The following TPST1 variants were observed in gnomAD, a reference collection of about 807,000 sequenced individuals.
TPST1 encodes protein-tyrosine sulfotransferase 1.
In TPST1, 20 loss-of-function variants were observed where a neutral mutation model predicts 34.8. The ratio of observed to expected loss-of-function variants is 0.57; its 90% CI spans 0.40 to 0.84. TPST1 has a LOEUF of 0.84. TPST1 is among the 40% of genes least tolerant of loss of function. The pLI, the probability that TPST1 is intolerant of heterozygous loss-of-function variation, is 0.00. For missense variants in TPST1, 353 were observed against 455.5 expected (o/e 0.78, Z 2.05); for synonymous variants, 152 against 159.4 (o/e 0.95, Z 0.35).
At chr7:66,200,011 T>C in the TPST1 span, among the ~76,000 whole-genome samples, 2 of 152,178 alleles carry the variant, frequency 1.3e-5, no homozygotes, top group African/African-American at 2.4e-5. Flanking sequence ...ATTACAGGCA[T>C]GAGCCACTGC....
At chr7:66,232,122 G>T (rs1481885050) in intron 1 of TPST1, among the ~76,000 whole-genome samples, 2 of 151,604 alleles carry the variant, frequency 1.3e-5, no homozygotes, top group Admixed American at 1.3e-4. Flanking sequence ...ATGTGGAGAT[G>T]TGTTTCAGTC....
At position 66,305,109 on chromosome 7, in the gene TPST1, G is replaced by A. The variant is rs139037229; in HGVS notation, c.1044+18400G>A. Among the ~76,000 whole-genome samples the A allele has an allele frequency of 4.6e-5, 7 of 152,124 alleles. No individual in the cohort carries two copies. The East Asian group carries it at 1.2e-3, about 25-fold the overall frequency. On this transcript the variant is annotated intron_variant, in intron 3 of 5. Coordinates refer to ENST00000304842, the MANE Select transcript of TPST1 (RefSeq NM_003596.4). ...GTTAGGATTATAGGCATGAACCACCGTGCCCAGCCAGAGTCAATACACCTT... is the reference window on the plus strand; with the variant it reads ...GTTAGGATTATAGGCATGAACCACCATGCCCAGCCAGAGTCAATACACCTT...
At chr7:66,330,919 C>T (rs779370914) in intron 3 of TPST1, among the ~76,000 whole-genome samples, 5 of 152,164 alleles carry the variant, frequency 3.3e-5, no homozygotes, top group African/African-American at 4.8e-5. Flanking sequence ...AATCAACAAA[C>T]GTGTTGTCTC....
intron 1 of TPST1, among the ~76,000 whole-genome samples, chr7:66,222,400 A>AT (rs1051326607): frequency 2.0e-5 from 3 of 151,902 alleles, no homozygotes; most frequent in Admixed American, 6.6e-5. Context: ...AAAAAAAAAA[A>AT]ATTTCCTTGC....
intron 2 of TPST1, among the ~76,000 whole-genome samples, chr7:66,284,048 T>C (rs1467266049): frequency 6.6e-6 from 1 of 152,244 alleles, no homozygotes; most frequent in East Asian, 1.9e-4. Flanking sequence ...GTTTCCCATG[T>C]TCTTCCCCTT....
Position 66,330,280 on chromosome 7 carries a change from G to A in TPST1, c.1045-22225G>A, listed in dbSNP as rs536427888. The stretch of plus-strand genomic sequence containing the variant: ...CAGGGTCCTCATAAAGGAGAGGCAA[G>A]GGAGTTGAAGGTAGAGAAGGGGCTC... On this transcript the variant is annotated intron_variant, in intron 3 of 5. Coordinates refer to ENST00000304842, the MANE Select transcript of TPST1 (RefSeq NM_003596.4). 1.0e-3 allele frequency among the ~76,000 whole-genome samples: 159 copies of A among 152,298 alleles called. 1 individual carries two copies. Among genetic ancestry groups the A allele is most frequent in the Non-Finnish European group, 1.2e-3 (84 of 68,028 alleles).
At chr7:66,232,376 G>T (rs1341652330) in intron 1 of TPST1, among the ~76,000 whole-genome samples, 1 of 150,116 alleles carries the variant, frequency 6.7e-6, no homozygotes, top group Non-Finnish European at 1.5e-5. Flanking sequence ...TTAATTTTTT[G>T]TTTGTTTGTT....
At chr7:66,342,514 C>T (rs1443082903) in intron 3 of TPST1, among the ~76,000 whole-genome samples, 1 of 152,202 alleles carries the variant, frequency 6.6e-6, no homozygotes. Context: ...GTTAGTCCAT[C>T]TTGCATTGCT....
At chr7:66,352,257 C>T (rs1792494362) in intron 3 of TPST1, among the ~76,000 whole-genome samples, 1 of 152,194 alleles carries the variant, frequency 6.6e-6, no homozygotes, top group African/African-American at 2.4e-5. Flanking sequence ...TTAGGGTACC[C>T]TGAGCCCTCT....
At chr7:66,327,806 G>C (rs1791899177) in intron 3 of TPST1, among the ~76,000 whole-genome samples, 1 of 151,486 alleles carries the variant, frequency 6.6e-6, no homozygotes, top group African/African-American at 2.4e-5. Context: ...AGTCCATAAT[G>C]CATAATGTTG....
At chr7:66,202,882 C>T (rs1418525566), upstream of TPST1, among the ~76,000 whole-genome samples, 6 of 151,934 alleles carry the variant, frequency 3.9e-5, no homozygotes, top group Admixed American at 2.0e-4. Flanking sequence ...GAGACCAGCC[C>T]GGCCAACATG....
chr7:66,309,877 C>T (rs1791496965), intron 3 of TPST1, among the ~76,000 whole-genome samples: 1 of 151,686 alleles, frequency 6.6e-6, no homozygotes, highest in African/African-American at 2.4e-5. Context: ...ATTTTATGTG[C>T]ACATGTGTGC....
upstream of TPST1, among the ~76,000 whole-genome samples, chr7:66,201,729 C>T (rs1196614030): frequency 2.6e-5 from 4 of 151,560 alleles, no homozygotes; most frequent in South Asian, 2.1e-4. Context: ...GGCGTGCACC[C>T]GTAGTCTTAG....
chr7:66,357,813 T>C (rs368711647), intron 5 of TPST1, among the ~76,000 whole-genome samples: 36 of 152,332 alleles, frequency 2.4e-4, no homozygotes, highest in East Asian at 1.9e-3. Flanking sequence ...TGGCTGGGCA[T>C]GGTGGCTCAT....
intron 1 of TPST1, among the ~76,000 whole-genome samples, chr7:66,212,152 G>A (rs1343535249): frequency 2.6e-5 from 4 of 152,166 alleles, no homozygotes; most frequent in Non-Finnish European, 5.9e-5. Flanking sequence ...TACGATTAAG[G>A]TATATCGATC....
chr7:66,333,606 A>G (rs1426138521), intron 3 of TPST1, among the ~76,000 whole-genome samples: 1 of 152,218 alleles, frequency 6.6e-6, no homozygotes, highest in Non-Finnish European at 1.5e-5. Flanking sequence ...TCTTGTGAAT[A>G]ATTAACAGTA....
At chr7:66,344,425 T>G (rs921983919) in intron 3 of TPST1, 6 of 152,178 alleles carry the variant, frequency 3.9e-5, no homozygotes, top group Admixed American at 3.3e-4. Context: ...TTCTAATTGT[T>G]TTTTTTAGAT....
chr7:66,240,417 C>A lies in TPST1; in HGVS notation c.-9C>A. On this transcript the variant is annotated 5_prime_UTR_variant, in exon 2 of 6. Transcript: ENST00000304842. Reference sequence around the variant, plus strand: ...AATATCTGTTTAATAACAAGATAACCACATCAAGATGGTTGGAAAGCTGAA... The same window carrying A: ...AATATCTGTTTAATAACAAGATAACAACATCAAGATGGTTGGAAAGCTGAA... 6.2e-7 allele frequency: 1 copy of A among 1,609,292 alleles called. No individual in the cohort carries two copies. The highest frequency in any genetic ancestry group is 8.5e-7 in the Non-Finnish European group (1 of 1,177,190).
At chr7:66,289,207 C>A (rs1439311235) in intron 3 of TPST1, among the ~76,000 whole-genome samples, 1 of 58,632 alleles carries the variant, frequency 1.7e-5, no homozygotes, top group Non-Finnish European at 3.2e-5. Context: ...GGATGAAGCC[C>A]ACCTGATCAT....
Sources: gnomAD v4.1 joint callset for allele counts (sites outside exome capture counted in the v4.1 genomes callset) on GRCh38, gnomAD v4.1.1 for gene constraint, MANE v1.5 for transcripts, NCBI Gene and HGNC (gene_info 2026-07-23, HGNC 2026-07-21) for gene names.